Variants in NOS1 observed in about 807,000 individuals in gnomAD.
NOS1 encodes the protein NOS type I.
NOS1 carries 51 observed loss-of-function variants against 164.5 expected under a neutral mutation model. The ratio of observed to expected loss-of-function variants is 0.31; its 90% CI spans 0.25 to 0.39. NOS1 has a LOEUF of 0.39. Among genes scored for constraint, NOS1 ranks in the 10% least tolerant of loss-of-function variants. NOS1 has a pLI of 1.00. For synonymous variants in NOS1, 719 were observed against 745.8 expected, an observed-to-expected ratio of 0.96 and a Z score of 0.59; for missense variants, 1,362 against 1,885.6, an observed-to-expected ratio of 0.72 and a Z score of 5.14.
chr12:117,269,868 C>G (rs534245541), intron 10 of NOS1, among the ~76,000 whole-genome samples: 1 of 152,178 alleles, frequency 6.6e-6, no homozygotes, highest in Non-Finnish European at 1.5e-5. Context: ...GTGGTCATGA[C>G]CTAGCATCTA....
At position 117,247,260 on chromosome 12, in the gene NOS1, G is replaced by A. The variant is rs903987344; in HGVS notation, c.2823+88C>T. On this transcript the variant is annotated intron_variant, in intron 18 of 28. Transcript: ENST00000317775. ...GGAGAGGTACTGAGGGTTCTCTCAA[G>A]TTTATTCTCTTCTTGATGGTTTAGG... 7.7e-6 allele frequency: 9 copies of A among 1,171,330 alleles called. No individual in the cohort carries two copies. The African/African-American group carries it at 1.4e-4, about 18-fold the overall frequency. 72.6% of individuals were successfully genotyped at this position (1,171,330 alleles called of 1,614,324 possible). A position where few individuals can be genotyped will look rare whatever the true frequency, so the allele number is the denominator to read the frequency against.
At chr12:117,232,638 C>T (rs1869339341) in intron 21 of NOS1, among the ~76,000 whole-genome samples, 2 of 151,120 alleles carry the variant, frequency 1.3e-5, no homozygotes, top group Admixed American at 1.3e-4. Flanking sequence ...AAAATAGAAG[C>T]ATGGAGAGGT....
Position 117,331,406 on chromosome 12 carries a change from G to GC in NOS1, c.-338_-337insG. The GC allele has an allele frequency of 3.2e-6, 1 of 314,514 alleles. No homozygotes were observed. The highest frequency in any genetic ancestry group is 6.0e-6 in the Non-Finnish European group (1 of 166,896). 19.5% of individuals were successfully genotyped at this position (314,514 alleles called of 1,614,324 possible). A position where few individuals can be genotyped will look rare whatever the true frequency, so the allele number is the denominator to read the frequency against. On this transcript the variant is annotated 5_prime_UTR_variant, in exon 2 of 29. An upstream open reading frame in the 5' UTR loses its in-frame stop. Transcript: ENST00000317775. ...ATGCGTCTGATGGCTGTGTCTAGAA[G>GC]TGACGCATGATAGATGTGAACTATT... is the stretch of plus-strand genomic sequence containing the variant.
At chr12:117,306,978 A>C (rs1331363426) in intron 3 of NOS1, among the ~76,000 whole-genome samples, 1 of 152,158 alleles carries the variant, frequency 6.6e-6, no homozygotes, top group Non-Finnish European at 1.5e-5. Flanking sequence ...CACTTATCTG[A>C]TCTTCAAAAC....
At chr12:117,354,400 A>C (rs1876769822) in intron 1 of NOS1, among the ~76,000 whole-genome samples, 1 of 149,614 alleles carries the variant, frequency 6.7e-6, no homozygotes, top group Non-Finnish European at 1.5e-5. Flanking sequence ...TTGCCAGCTA[A>C]GACTTATAAC....
intron 2 of NOS1, among the ~76,000 whole-genome samples, chr12:117,315,770 C>G (rs1028739759): frequency 2.0e-5 from 3 of 152,220 alleles, no homozygotes; most frequent in African/African-American, 7.2e-5. Context: ...CACTTCATGT[C>G]TCACACTCAG....
At chr12:117,346,762 C>T (rs1212850725) in intron 1 of NOS1, among the ~76,000 whole-genome samples, 1 of 151,908 alleles carries the variant, frequency 6.6e-6, no homozygotes, top group Non-Finnish European at 1.5e-5. Flanking sequence ...GCTTCTAAAG[C>T]CCCGTGTGAC....
chr12:117,242,656 G>T lies in NOS1; in HGVS notation c.3012C>A (p.Ser1004Arg), dbSNP rs1870283321. Residue 1004 changes from serine to arginine, a missense_variant, in exon 20 of 29, where the codon AGC (serine) becomes AGA (arginine). Ser to Arg is a moderately radical substitution (Grantham distance 110, BLOSUM62 -1). Coordinates refer to ENST00000317775, the MANE Select transcript of NOS1 (RefSeq NM_000620.5). ...ATTTAGGGCTCTGGAGGTTTTGACG[G>T]CTAAGGAGCCGGGCAGCTGAGACTC... ...KKRVSAARLL[S>R]RQNLQSPKSS... 6.2e-7 allele frequency: 1 copy of T among 1,614,056 alleles called. No individual in the cohort carries two copies. Among genetic ancestry groups the T allele is most frequent in the Admixed American group, 1.7e-5 (1 of 60,004 alleles).
intron 20 of NOS1, 51 bp downstream of exon 20, chr12:117,242,576 G>C: frequency 6.9e-7 from 1 of 1,445,344 alleles, no homozygotes; most frequent in Non-Finnish European, 9.7e-7. Flanking sequence ...TTCATCGTGG[G>C]TGGCATTTGG....
chr12:117,352,004 G>A (rs1434287614), intron 1 of NOS1, among the ~76,000 whole-genome samples: 3 of 152,066 alleles, frequency 2.0e-5, no homozygotes, highest in Non-Finnish European at 4.4e-5. Flanking sequence ...AACATGGTGA[G>A]ACCCCGTCGC....
Position 117,211,513 on chromosome 12 carries a change from C to T in NOS1, c.*3796G>A. The T allele has an allele frequency of 3.0e-6, 3 of 984,906 alleles. No individual in the cohort carries two copies. Among genetic ancestry groups the T allele is most frequent in the South Asian group, 9.4e-5 (2 of 21,266 alleles). 61.0% of individuals were successfully genotyped at this position (984,906 alleles called of 1,614,324 possible). A position where few individuals can be genotyped will look rare whatever the true frequency, so the allele number is the denominator to read the frequency against. On this transcript the variant is annotated 3_prime_UTR_variant, in exon 29 of 29. Coordinates refer to ENST00000317775, the MANE Select transcript of NOS1 (RefSeq NM_000620.5). ...AACATTCTTAGGGACTCCCTGTTGCCTTCTGAATAAAGCCTAAATTTCTTG... is the reference window on the plus strand; with the variant it reads ...AACATTCTTAGGGACTCCCTGTTGCTTTCTGAATAAAGCCTAAATTTCTTG...
chr12:117,243,337 G>A lies in NOS1; in HGVS notation c.2922C>T (p.Phe974=), dbSNP rs966114968. 4 of 1,614,018 alleles carry A rather than the reference G, an allele frequency of 2.5e-6. No homozygotes were observed. In the Admixed American group the frequency reaches 5.0e-5, roughly 20 times the overall value. The change falls in exon 19 of 29, where the codon TTC becomes TTT. Residue 974 remains phenylalanine (F), a synonymous_variant. Coordinates refer to ENST00000317775, the MANE Select transcript of NOS1 (RefSeq NM_000620.5). This position sits in a 1 kb window ranked among gnomAD's most constrained non-coding sequence, Gnocchi z 4.3. ...SNDRSWKRNK[F]RLTFVAEAPE... ...GAGCTTCGGCCACAAAGGTGAGGCGGAACTTGTTTCTCTTCCAGCTGCGAT... is the reference window on the plus strand; with the variant it reads ...GAGCTTCGGCCACAAAGGTGAGGCGAAACTTGTTTCTCTTCCAGCTGCGAT...
intron 5 of NOS1, among the ~76,000 whole-genome samples, chr12:117,286,481 G>A (rs9658353): frequency 0.016 from 2,379 of 152,242 alleles, 63 homozygotes; most frequent in African/African-American, 0.054. Flanking sequence ...CAACCAGCTG[G>A]GTGGGGACTG....
At chr12:117,300,416 A>G (rs1329809536) in intron 3 of NOS1, among the ~76,000 whole-genome samples, 4 of 152,178 alleles carry the variant, frequency 2.6e-5, no homozygotes, top group Non-Finnish European at 4.4e-5. Context: ...CTGAACCCAA[A>G]CACTAGTCAA....
rs1566044811 is a variant in NOS1, at chr12:117,260,479, C to CAA, written c.2352_2353insTT (p.Ala785LeufsTer7). The CAA allele has an allele frequency of 6.2e-7, 1 of 1,613,882 alleles. No individual in the cohort carries two copies. The highest frequency in any genetic ancestry group is 1.7e-5 in the Admixed American group (1 of 60,014). ...CCCCCACCTACCTTGGCATCAAAGG[C>CAA]GTGTTTGAAGATCTCACACAAGGTC... On this transcript the variant is annotated frameshift_variant, in exon 14 of 29. Coordinates refer to ENST00000317775, the MANE Select transcript of NOS1 (RefSeq NM_000620.5). LOFTEE classifies it high-confidence loss of function.
intron 2 of NOS1, among the ~76,000 whole-genome samples, chr12:117,323,239 G>A (rs989654261): frequency 1.3e-5 from 2 of 152,188 alleles, no homozygotes; most frequent in African/African-American, 4.8e-5. Context: ...ATGAAGCTAG[G>A]TCTTGGGCAT....
intron 5 of NOS1, among the ~76,000 whole-genome samples, chr12:117,287,387 G>C (rs75342118): frequency 3.3e-5 from 5 of 151,876 alleles, no homozygotes; most frequent in Admixed American, 1.3e-4. Context: ...TCCATCACTG[G>C]AATATACCAT....
chr12:117,279,777 C>T (rs950413670), intron 8 of NOS1, among the ~76,000 whole-genome samples: 3 of 152,186 alleles, frequency 2.0e-5, no homozygotes, highest in Non-Finnish European at 2.9e-5. Context: ...GGAGTCTGAG[C>T]CTGGCTGCTT....
chr12:117,280,633 C>T (rs1371652997), intron 8 of NOS1, 92 bp downstream of exon 8: 10 of 1,332,622 alleles, frequency 7.5e-6, no homozygotes, highest in Non-Finnish European at 1.0e-5. Flanking sequence ...CAGCGGATCT[C>T]CTGTGATGAT....
Sources: gnomAD v4.1 joint callset for allele counts (sites outside exome capture counted in the v4.1 genomes callset) on GRCh38, gnomAD v4.1.1 for gene constraint, Gnocchi (gnomAD v3.1) non-coding constraint, MANE v1.5 for transcripts, NCBI Gene and HGNC (gene_info 2026-07-23, HGNC 2026-07-21) for gene names.